The following SYTL5 variants were observed in gnomAD, a reference collection of about 807,000 sequenced individuals.
The protein encoded by SYTL5 is synaptotagmin like 5.
Under a neutral mutation model 55.9 loss-of-function variants are expected in SYTL5, and 34 were observed. That is an observed-to-expected ratio of 0.61 (90% CI 0.46 to 0.81). The LOEUF (loss-of-function observed/expected upper bound fraction) is 0.81, where lower values mean the gene tolerates loss of function less well. SYTL5 is among the 30% of genes least tolerant of loss of function. SYTL5 has a pLI of 0.00. For synonymous variants in SYTL5, 221 were observed against 188.7 expected (o/e 1.17, Z -1.40); for missense variants, 637 against 546.7 (o/e 1.17, Z -1.65).
Position 38,035,520 on chromosome X carries a change from G to A in SYTL5, c.119+1512G>A, listed in dbSNP as rs937838285. Among the ~76,000 whole-genome samples the A allele has an allele frequency of 1.0e-4, 11 of 108,086 alleles. No homozygotes were observed. In the East Asian group the frequency reaches 3.2e-3, roughly 31 times the overall value. 93.9% of individuals were successfully genotyped at this position (108,086 alleles called of 115,157 possible). ...GCGGGAGAATGGCATGAACCCGGGA[G>A]GCGGAGCTTGCAGTGAGCCGAGATT... is the stretch of plus-strand genomic sequence containing the variant. On this transcript the variant is annotated intron_variant, in intron 2 of 16. Transcript: ENST00000297875.
At chrX:38,052,332 A>G (rs1367970693) in intron 2 of SYTL5, among the ~76,000 whole-genome samples, 1 of 112,218 alleles carries the variant, frequency 8.9e-6, no homozygotes, top group African/African-American at 3.2e-5. Context: ...ATAAAGGGTA[A>G]TGGTAATTCT....
chrX:37,930,332 G>A, the SYTL5 span, among the ~76,000 whole-genome samples: 1 of 112,085 alleles, frequency 8.9e-6, no homozygotes, highest in East Asian at 2.8e-4. Flanking sequence ...TTATAGCCAA[G>A]TTTGACCATA....
At chrX:37,915,975 T>G in the SYTL5 span, among the ~76,000 whole-genome samples, 3 of 111,481 alleles carry the variant, frequency 2.7e-5, no homozygotes, top group Non-Finnish European at 5.7e-5. Flanking sequence ...CAGTTTCCAT[T>G]CTTACCTCAC....
intron 3 of SYTL5, among the ~76,000 whole-genome samples, chrX:38,063,957 A>G (rs1936024622): frequency 9.0e-6 from 1 of 111,442 alleles, no homozygotes; most frequent in Admixed American, 9.6e-5. Context: ...AACTAGCATT[A>G]AAAACAAGTG....
chrX:38,015,720 A>G (rs1483643569), intron 1 of SYTL5, among the ~76,000 whole-genome samples: 6 of 106,286 alleles, frequency 5.6e-5, no homozygotes, highest in African/African-American at 1.7e-4. Context: ...TTTTTTTTTT[A>G]GTCTATTCAC....
chrX:37,973,054 A>T, the SYTL5 span, among the ~76,000 whole-genome samples: 1 of 112,192 alleles, frequency 8.9e-6, no homozygotes. Context: ...GAAGGAAAAC[A>T]AAGGGGGAAG....
chrX:38,038,505 A>C (rs940458483), intron 2 of SYTL5, among the ~76,000 whole-genome samples: 4 of 112,392 alleles, frequency 3.6e-5, no homozygotes, highest in African/African-American at 1.3e-4. Flanking sequence ...GGTGCTAGCT[A>C]TTACAATAGT....
the SYTL5 span, among the ~76,000 whole-genome samples, chrX:37,924,851 A>C: frequency 8.9e-6 from 1 of 111,755 alleles, no homozygotes; most frequent in Non-Finnish European, 1.9e-5. Flanking sequence ...CATCACCTAA[A>C]CTATTTATCT....
At chrX:37,999,666 T>C in the SYTL5 span, among the ~76,000 whole-genome samples, 1 of 112,301 alleles carries the variant, frequency 8.9e-6, no homozygotes, top group Non-Finnish European at 1.9e-5. Context: ...TCAGCTTCTG[T>C]GGCTGTAAAA....
At chrX:37,984,074 C>T in the SYTL5 span, among the ~76,000 whole-genome samples, 1 of 110,591 alleles carries the variant, frequency 9.0e-6, no homozygotes, top group African/African-American at 3.3e-5. Context: ...TAACCTTCCA[C>T]CTAAGAGACT....
the SYTL5 span, among the ~76,000 whole-genome samples, chrX:37,925,657 A>G: frequency 9.0e-6 from 1 of 110,958 alleles, no homozygotes; most frequent in East Asian, 2.8e-4. Flanking sequence ...ATTTGGTTAC[A>G]TGAGTAGGTT....
chrX:38,110,629 T>A, intron 13 of SYTL5, 147 bp downstream of exon 13: 1 of 417,402 alleles, frequency 2.4e-6, no homozygotes. Flanking sequence ...AATAATATTA[T>A]AAAAATGTTG....
chrX:37,902,989 A>C, the SYTL5 span, among the ~76,000 whole-genome samples: 3 of 112,087 alleles, frequency 2.7e-5, no homozygotes, highest in Non-Finnish European at 5.6e-5. Flanking sequence ...GCAAATCAAA[A>C]CCACAATGAT....
At chrX:38,118,740 A>G (rs1374988497) in intron 13 of SYTL5, among the ~76,000 whole-genome samples, 1 of 110,626 alleles carries the variant, frequency 9.0e-6, no homozygotes, top group African/African-American at 3.3e-5. Flanking sequence ...AAGATGTACT[A>G]TAATATCAAA....
chrX:37,961,993 A>G, the SYTL5 span, among the ~76,000 whole-genome samples: 4 of 111,941 alleles, frequency 3.6e-5, no homozygotes, highest in African/African-American at 9.7e-5. Context: ...TGAGGTTTCT[A>G]TGGATTCATA....
the SYTL5 span, among the ~76,000 whole-genome samples, chrX:37,904,404 G>T: frequency 9.1e-6 from 1 of 110,256 alleles, no homozygotes; most frequent in East Asian, 2.8e-4. Context: ...AATTGGAAAT[G>T]AAACACTGCC....
At chrX:37,940,044 C>T in the SYTL5 span, among the ~76,000 whole-genome samples, 2 of 110,172 alleles carry the variant, frequency 1.8e-5, no homozygotes, top group African/African-American at 6.6e-5. Context: ...CCATGTTGGC[C>T]AGGCAGGTCT....
chrX:37,926,854 G>A, the SYTL5 span, among the ~76,000 whole-genome samples: 1 of 111,760 alleles, frequency 8.9e-6, no homozygotes, highest in Non-Finnish European at 1.9e-5. Context: ...TGACTCAGTA[G>A]TTTGTGTGTG....
At chrX:37,890,833 C>T in the SYTL5 span, among the ~76,000 whole-genome samples, 96 of 111,534 alleles carry the variant, frequency 8.6e-4, 1 homozygote, top group African/African-American at 2.7e-3. Context: ...TGCAAATCAA[C>T]GTAACAGCTG....
Sources: gnomAD v4.1 joint callset for allele counts (sites outside exome capture counted in the v4.1 genomes callset) on GRCh38, gnomAD v4.1.1 for gene constraint, MANE v1.5 for transcripts, NCBI Gene and HGNC (gene_info 2026-07-23, HGNC 2026-07-21) for gene names.